Variants in AGBL4 observed in about 807,000 individuals in gnomAD.
AGBL4 encodes cytosolic carboxypeptidase 6.
In AGBL4, 58 loss-of-function variants were observed where a neutral mutation model predicts 66.4. That is an observed-to-expected ratio of 0.87 (90% CI 0.71 to 1.09). The LOEUF (loss-of-function observed/expected upper bound fraction) is 1.09, where lower values mean the gene tolerates loss of function less well. Ranked by LOEUF, AGBL4 falls within the 50% of genes least tolerant of loss-of-function variation. The pLI is 0.00. For missense variants in AGBL4, 579 were observed against 631.0 expected, an observed-to-expected ratio of 0.92 and a Z score of 0.88; for synonymous variants, 234 against 222.9, an observed-to-expected ratio of 1.05 and a Z score of -0.44.
At chr1:49,187,670 G>A (rs1410270154) in intron 4 of AGBL4, 1 of 152,126 alleles carries the variant, frequency 6.6e-6, no homozygotes, top group Non-Finnish European at 1.5e-5. Flanking sequence ...TCAGAATAAA[G>A]TCAAAATCAT....
chr1:49,802,877 T>C (rs941571711), intron 2 of AGBL4, among the ~76,000 whole-genome samples: 1 of 152,174 alleles, frequency 6.6e-6, no homozygotes, highest in Non-Finnish European at 1.5e-5. Context: ...TACCAATATG[T>C]CTGCTGATTT....
intron 3 of AGBL4, among the ~76,000 whole-genome samples, chr1:49,538,966 C>T (rs574770115): frequency 1.3e-5 from 2 of 152,154 alleles, no homozygotes; most frequent in Non-Finnish European, 1.5e-5. Context: ...TAAAGATGTA[C>T]ACAAACGCAT....
chr1:49,802,270 C>T (rs547315343), intron 2 of AGBL4, among the ~76,000 whole-genome samples: 41 of 151,746 alleles, frequency 2.7e-4, no homozygotes, highest in Non-Finnish European at 4.4e-4. Context: ...CGGGGGGGGT[C>T]GCCTGTCTAT....
At position 49,044,022 on chromosome 1, in the gene AGBL4, G is replaced by A. The variant is rs369460858; in HGVS notation, c.594+1562C>T. On this transcript the variant is annotated intron_variant, in intron 5 of 13. Transcript: ENST00000371839. ...TCCTCATTTAGAATGTTTAGAGCCT[G>A]TCCAATAAGCCTCTTTTAGGGGCAC... 3.3e-4 allele frequency among the ~76,000 whole-genome samples: 51 copies of A among 152,294 alleles called. 1 individual carries two copies. The South Asian group carries it at 9.5e-3, about 28-fold the overall frequency.
intron 6 of AGBL4, among the ~76,000 whole-genome samples, chr1:48,685,538 T>C (rs1269271675): frequency 1.3e-5 from 2 of 152,128 alleles, no homozygotes; most frequent in Non-Finnish European, 2.9e-5. Context: ...CACCCCTCCA[T>C]ATCACCAGGA....
intron 1 of AGBL4, among the ~76,000 whole-genome samples, chr1:49,965,427 A>G (rs1392393885): frequency 6.6e-6 from 1 of 152,194 alleles, no homozygotes; most frequent in Admixed American, 6.5e-5. Flanking sequence ...ACACAAGACT[A>G]TCAGGCAAAC....
At chr1:48,901,524 A>G (rs1652077490) in intron 5 of AGBL4, among the ~76,000 whole-genome samples, 1 of 152,208 alleles carries the variant, frequency 6.6e-6, no homozygotes. Flanking sequence ...ATACAATAAA[A>G]TACTACTCGA....
chr1:48,729,993 A>C (rs918945322), intron 6 of AGBL4, among the ~76,000 whole-genome samples: 1 of 152,014 alleles, frequency 6.6e-6, no homozygotes, highest in African/African-American at 2.4e-5. Context: ...GACCTTGCTC[A>C]TCTCTGCTTA....
intron 3 of AGBL4, among the ~76,000 whole-genome samples, chr1:49,538,853 T>C (rs183778205): frequency 5.0e-4 from 76 of 152,276 alleles, no homozygotes; most frequent in Non-Finnish European, 6.2e-4. Flanking sequence ...GAGTATAAAC[T>C]GATACAAACA....
chr1:49,387,397 C>T (rs949052742), intron 3 of AGBL4, among the ~76,000 whole-genome samples: 1 of 151,674 alleles, frequency 6.6e-6, no homozygotes, highest in South Asian at 2.1e-4. Flanking sequence ...GCAGCTCAAC[C>T]TACTTTATTA....
At chr1:48,761,930 T>C (rs1349691005) in intron 6 of AGBL4, among the ~76,000 whole-genome samples, 2 of 152,162 alleles carry the variant, frequency 1.3e-5, no homozygotes, top group Non-Finnish European at 2.9e-5. Context: ...AGAGAGCTTA[T>C]AGCTGATAGG....
chr1:49,751,205 T>C (rs1361373883), intron 2 of AGBL4, among the ~76,000 whole-genome samples: 1 of 152,202 alleles, frequency 6.6e-6, no homozygotes, highest in Non-Finnish European at 1.5e-5. Context: ...TTCAGTATGA[T>C]ATTGGCTGTG....
intron 4 of AGBL4, among the ~76,000 whole-genome samples, chr1:49,193,783 T>G (rs1647171009): frequency 6.6e-6 from 1 of 152,216 alleles, no homozygotes; most frequent in East Asian, 1.9e-4. Flanking sequence ...TCTGCCCGCC[T>G]TGGCCTCCCC....
chr1:49,103,567 T>A (rs1334284120), intron 4 of AGBL4, among the ~76,000 whole-genome samples: 1 of 152,156 alleles, frequency 6.6e-6, no homozygotes. Flanking sequence ...GATTCGCCTT[T>A]GAAGAGTCAA....
intron 9 of AGBL4, among the ~76,000 whole-genome samples, chr1:48,598,136 A>C (rs1645023727): frequency 6.6e-6 from 1 of 152,226 alleles, no homozygotes; most frequent in Non-Finnish European, 1.5e-5. Context: ...AGGGCCTTGA[A>C]GGCCAGGGTT....
chr1:49,580,318 G>GTTATTATTATTATTATTA (rs1644517916), intron 3 of AGBL4, among the ~76,000 whole-genome samples: 1 of 152,018 alleles, frequency 6.6e-6, no homozygotes, highest in South Asian at 2.1e-4. Flanking sequence ...TATGTTCAAG[G>GTTATTATTATTATTATTA]TTATTATTAG....
At chr1:49,969,165 T>A (rs1476080291) in intron 1 of AGBL4, among the ~76,000 whole-genome samples, 4 of 152,184 alleles carry the variant, frequency 2.6e-5, no homozygotes, top group Non-Finnish European at 4.4e-5. Flanking sequence ...TTGGTTAAAA[T>A]AAGAACAGTA....
rs1643917963 is a variant in AGBL4 at position 48,533,104 on chromosome 1, C to G, written c.*1069G>C. ...GTGGAGCTCTGTGCTAAGGGATTTT[C>G]CTCCCTGGAGCCTCCCTTCCTCTCC... On this transcript the variant is annotated 3_prime_UTR_variant, in exon 14 of 14. Coordinates refer to ENST00000371839, the MANE Select transcript of AGBL4 (RefSeq NM_032785.4). 6.6e-6 allele frequency: 1 copy of G among 152,240 alleles called. No individual in the cohort carries two copies. Among genetic ancestry groups the G allele is most frequent in the Non-Finnish European group, 1.5e-5 (1 of 68,120 alleles). 9.4% of individuals were successfully genotyped at this position (152,240 alleles called of 1,614,324 possible).
chr1:49,108,473 C>G (rs1400499673), intron 4 of AGBL4, among the ~76,000 whole-genome samples: 1 of 152,100 alleles, frequency 6.6e-6, no homozygotes, highest in African/African-American at 2.4e-5. Context: ...AGCACAGGAG[C>G]TTTTCTGGTG....
Sources: gnomAD v4.1 joint callset for allele counts (sites outside exome capture counted in the v4.1 genomes callset) on GRCh38, gnomAD v4.1.1 for gene constraint, MANE v1.5 for transcripts, NCBI Gene and HGNC (gene_info 2026-07-23, HGNC 2026-07-21) for gene names.